The following OR2G6 variants were observed in gnomAD, a reference collection of about 807,000 sequenced individuals.
OR2G6 encodes olfactory receptor family 2 subfamily G member 6.
For synonymous variants in OR2G6, 183 were observed against 155.2 expected, an observed-to-expected ratio of 1.18 and a Z score of -1.33; for missense variants, 457 against 391.3, an observed-to-expected ratio of 1.17 and a Z score of -1.42.
In OR2G6 at chr1:248,522,673, G is replaced by T. The variant is rs1664316711; in HGVS notation, c.*76G>T. On this transcript the variant is annotated 3_prime_UTR_variant, in exon 2 of 2. Transcript: ENST00000641804. Reference sequence around the variant, plus strand: ...TTCATCCTCCCCAGACATTCCTCTTGTCAATCCCAAAGCCACAGGGACTAG... The same window carrying T: ...TTCATCCTCCCCAGACATTCCTCTTTTCAATCCCAAAGCCACAGGGACTAG... 3 of 964,870 alleles carry T rather than the reference G, an allele frequency of 3.1e-6. No individual in the cohort carries two copies. Among genetic ancestry groups the T allele is most frequent in the Non-Finnish European group, 4.6e-6 (3 of 655,788 alleles). The allele number at this position is 964,870 out of a possible 1,614,324, so 59.8% of individuals were successfully genotyped here. A position where few individuals can be genotyped will look rare whatever the true frequency, so the allele number is the denominator to read the frequency against.
At chr1:248,521,490 G>A in intron 1 of OR2G6, 121 bp from the exon 2 acceptor site, 1 of 598,596 alleles carries the variant, frequency 1.7e-6, no homozygotes, top group Non-Finnish European at 2.9e-6. Flanking sequence ...GTTGAGGAAA[G>A]TTCTATAGGT....
In OR2G6 at chr1:248,522,270, T is replaced by G. The variant is rs1558372468; in HGVS notation, c.624T>G (p.Ile208Met). Residue 208 changes from isoleucine (I) to methionine (M), a missense_variant, in exon 2 of 2, where the codon ATT becomes ATG. Transcript: ENST00000641804. ...ELFVASVVFL[I>M]VPVLLILVSY... ...TTGTGGCCAGTGTAGTCTTTCTAAT[T>G]GTCCCGGTGTTACTCATCTTAGTCT... 1.2e-6 allele frequency: 2 copies of G among 1,614,192 alleles called. No individual in the cohort carries two copies. Among genetic ancestry groups the G allele is most frequent in the Non-Finnish European group, 1.7e-6 (2 of 1,180,022 alleles).
chr1:248,525,078 C>T lies in OR2G6; in HGVS notation c.*2481C>T, dbSNP rs1430336984. 6.6e-6 allele frequency: 1 copy of T among 151,982 alleles called. No homozygotes were observed. Among genetic ancestry groups the T allele is most frequent in the Non-Finnish European group, 1.5e-5 (1 of 67,996 alleles). 9.4% of individuals were successfully genotyped at this position (151,982 alleles called of 1,614,324 possible). A position where few individuals can be genotyped will look rare whatever the true frequency, so the allele number is the denominator to read the frequency against. On this transcript the variant is annotated 3_prime_UTR_variant, in exon 2 of 2. Transcript: ENST00000641804. ...ATACTATTTTTATTTATAATGTGAG[C>T]ATTTTTCTGATTAATCTAAAAAATA...
In OR2G6 at chr1:248,522,442, A is replaced by T; in HGVS notation, c.796A>T (p.Arg266Ter). 6.2e-7 allele frequency: 1 copy of T among 1,614,136 alleles called. No individual in the cohort carries two copies. Among genetic ancestry groups the T allele is most frequent in the Non-Finnish European group, 8.5e-7 (1 of 1,180,020 alleles). Reference sequence around the variant, plus strand: ...CATGTACCTTCAACCGGCCAATAGGAGATCCAAAAACCAGGGAAAGTTTGT... The same window carrying T: ...CATGTACCTTCAACCGGCCAATAGGTGATCCAAAAACCAGGGAAAGTTTGT... ...IFMYLQPANR[R>*]SKNQGKFVSL... is the part of the protein sequence containing the mutation. Residue 266 changes from arginine (R) to a stop codon, truncating the protein, a stop_gained, in exon 2 of 2, where the codon AGA (arginine) becomes TGA (stop). Transcript: ENST00000641804. LOFTEE classifies it low-confidence loss of function (END_TRUNC).
rs913069817 is a variant in OR2G6, at chr1:248,525,772, T to G, written c.*3175T>G. 1.4e-5 allele frequency: 2 copies of G among 146,560 alleles called. No individual in the cohort carries two copies. The highest frequency in any genetic ancestry group is 5.5e-5 in the African/African-American group (2 of 36,256). 9.1% of individuals were successfully genotyped at this position (146,560 alleles called of 1,614,324 possible). On this transcript the variant is annotated 3_prime_UTR_variant, in exon 2 of 2. Transcript: ENST00000641804. Reference sequence around the variant, plus strand: ...GGCTCACACTTGTAATCATAGCACTTTGGGAGGCTGAGTCAGGTGGATCAT... The same window carrying G: ...GGCTCACACTTGTAATCATAGCACTGTGGGAGGCTGAGTCAGGTGGATCAT...
chr1:248,519,534 C>G (rs1664236353), intron 1 of OR2G6, among the ~76,000 whole-genome samples: 1 of 151,884 alleles, frequency 6.6e-6, no homozygotes, highest in African/African-American at 2.4e-5. Flanking sequence ...AGTCCAGTTT[C>G]AGTTTTCTGC....
chr1:248,521,804 C>T lies in OR2G6; in HGVS notation c.158C>T (p.Ser53Phe), dbSNP rs757443337. 5.6e-6 allele frequency: 9 copies of T among 1,614,120 alleles called. No homozygotes were observed. Among genetic ancestry groups the T allele is most frequent in the Non-Finnish European group, 7.6e-6 (9 of 1,180,004 alleles). ...TALILVCCLD[S>F]RLHTPMYFFL... The stretch of plus-strand genomic sequence containing the variant: ...CTCATACTAGTATGTTGTCTGGACT[C>T]CAGACTCCACACTCCAATGTACTTC... Residue 53 changes from serine to phenylalanine, a missense_variant, in exon 2 of 2, where the codon TCC becomes TTC. Physicochemically the swap from Ser to Phe is radical, Grantham distance 155 (BLOSUM62 -2). Coordinates refer to ENST00000641804, the MANE Select transcript of OR2G6 (RefSeq NM_001013355.2).
In OR2G6 at chr1:248,522,563, T is replaced by G. The variant is rs1486805418; in HGVS notation, c.917T>G (p.Leu306Arg). 1 of 1,612,384 alleles carries G rather than the reference T, an allele frequency of 6.2e-7. No homozygotes were observed. Among genetic ancestry groups the G allele is most frequent in the African/African-American group, 1.3e-5 (1 of 74,782 alleles). The stretch of plus-strand genomic sequence containing the variant: ...AAAGGGGCCTTGAGGACCCTGATAC[T>G]GGGTAGTGCTGCTGGACAAAGCCAC... ...DVKGALRTLILGSAAGQSHKD is the reference protein window; with the variant it reads ...DVKGALRTLIRGSAAGQSHKD Residue 306 changes from leucine to arginine, a missense_variant, in exon 2 of 2, where the codon CTG (leucine) becomes CGG (arginine). By Grantham distance (102) the Leu-to-Arg change is moderately radical. Coordinates refer to ENST00000641804, the MANE Select transcript of OR2G6 (RefSeq NM_001013355.2).
Position 248,524,768 on chromosome 1 carries a change from A to G in OR2G6, c.*2171A>G, listed in dbSNP as rs1664360137. 2 of 152,350 alleles carry G rather than the reference A, an allele frequency of 1.3e-5. No homozygotes were observed. The highest frequency in any genetic ancestry group is 6.5e-5 in the Admixed American group (1 of 15,300). 9.4% of individuals were successfully genotyped at this position (152,350 alleles called of 1,614,324 possible). A position where few individuals can be genotyped will look rare whatever the true frequency, so the allele number is the denominator to read the frequency against. On this transcript the variant is annotated 3_prime_UTR_variant, in exon 2 of 2. Coordinates refer to ENST00000641804, the MANE Select transcript of OR2G6 (RefSeq NM_001013355.2). ...CAAATCCCACTGAAAATAAAATCAA[A>G]TTATTACTGTATACAATAAATTCAA...
At position 248,509,204 on chromosome 1, in the gene OR2G6, G is replaced by GATGGTA. The variant is rs547414598; in HGVS notation, c.-37+775_-37+776insATGGTA. On this transcript the variant is annotated intron_variant, in intron 1 of 1. Transcript: ENST00000641804. ...ACTGAAACCTTATACCCATTGCACA[G>GATGGTA]TAGATCAAGAGAAGAAATACTTGAT... 6.7e-3 allele frequency among the ~76,000 whole-genome samples: 124 copies of GATGGTA among 18,454 alleles called. 8 individuals are homozygous for GATGGTA. Among genetic ancestry groups the GATGGTA allele is most frequent in the African/African-American group, 0.041 (114 of 2,756 alleles). 12.1% of individuals were successfully genotyped at this position (18,454 alleles called of 152,430 possible).
intron 1 of OR2G6, 37 bp from the exon 2 acceptor site, chr1:248,521,574 C>T (rs1664285205): frequency 2.9e-6 from 3 of 1,051,118 alleles, no homozygotes; most frequent in Non-Finnish European, 2.9e-6. Flanking sequence ...CCATTCTTGA[C>T]CTCATTACTT....
chr1:248,521,035 C>A (rs1664273453), intron 1 of OR2G6, among the ~76,000 whole-genome samples: 1 of 97,278 alleles, frequency 1.0e-5, no homozygotes, highest in Admixed American at 1.2e-4. Flanking sequence ...GAGTGAGATT[C>A]CATCTAAAAA....
Position 248,522,402 on chromosome 1 carries a change from T to TG in OR2G6, c.759dup (p.Thr254AspfsTer12). The TG allele has an allele frequency of 6.2e-7, 1 of 1,614,198 alleles. No individual in the cohort carries two copies. Among genetic ancestry groups the TG allele is most frequent in the South Asian group, 1.1e-5 (1 of 91,088 alleles). ...ACCTGGTTGTGGTCATCATTTTCTA[T>TG]GGGACCATCATATTCATGTACCTTC... On this transcript the variant is annotated frameshift_variant, in exon 2 of 2. Transcript: ENST00000641804. LOFTEE classifies it low-confidence loss of function (END_TRUNC).
intron 1 of OR2G6, among the ~76,000 whole-genome samples, chr1:248,520,939 G>A (rs1318705700): frequency 6.7e-6 from 1 of 148,968 alleles, no homozygotes; most frequent in Admixed American, 6.7e-5. Flanking sequence ...AGCTACTTGG[G>A]AGGCTAAGGC....
rs1167584245 is a variant in OR2G6, at chr1:248,522,730, C to T, written c.*133C>T. 1 of 632,064 alleles carries T rather than the reference C, an allele frequency of 1.6e-6. No homozygotes were observed. 39.2% of individuals were successfully genotyped at this position (632,064 alleles called of 1,614,324 possible). Reference sequence around the variant, plus strand: ...TTGGAATTCTAAAGAAGGGAAACACCTCAAGGCAGCGTGAGGATTCATCCT... The same window carrying T: ...TTGGAATTCTAAAGAAGGGAAACACTTCAAGGCAGCGTGAGGATTCATCCT... On this transcript the variant is annotated 3_prime_UTR_variant, in exon 2 of 2. Coordinates refer to ENST00000641804, the MANE Select transcript of OR2G6 (RefSeq NM_001013355.2).
Position 248,525,600 on chromosome 1 carries a change from A to G in OR2G6, c.*3003A>G, listed in dbSNP as rs184815613. 2 of 152,326 alleles carry G rather than the reference A, an allele frequency of 1.3e-5. No individual in the cohort carries two copies. The highest frequency in any genetic ancestry group is 6.5e-5 in the Admixed American group (1 of 15,294). 9.4% of individuals were successfully genotyped at this position (152,326 alleles called of 1,614,324 possible). On this transcript the variant is annotated 3_prime_UTR_variant, in exon 2 of 2. Coordinates refer to ENST00000641804, the MANE Select transcript of OR2G6 (RefSeq NM_001013355.2). ...CCAAATGGTCAGTAAAAAGACAAGTACCAGCTACTACAAAAAAACACCAAA... is the reference window on the plus strand; with the variant it reads ...CCAAATGGTCAGTAAAAAGACAAGTGCCAGCTACTACAAAAAAACACCAAA...
rs1339572009 is a variant in OR2G6, at chr1:248,522,816, AAGAAG to A, written c.*224_*228del. On this transcript the variant is annotated 3_prime_UTR_variant, in exon 2 of 2. Coordinates refer to ENST00000641804, the MANE Select transcript of OR2G6 (RefSeq NM_001013355.2). Reference sequence around the variant, plus strand: ...GGGACTAGGAAGCATTGGAATTCTAAAGAAGAGAAACACACCAAAGCAGCATGAGG... The same window carrying A: ...GGGACTAGGAAGCATTGGAATTCTAAAGAAACACACCAAAGCAGCATGAGG... The A allele has an allele frequency of 1.0e-4, 53 of 521,782 alleles. No individual in the cohort carries two copies. The African/African-American group carries it at 1.0e-3, about 10-fold the overall frequency. 32.3% of individuals were successfully genotyped at this position (521,782 alleles called of 1,614,324 possible). A position where few individuals can be genotyped will look rare whatever the true frequency, so the allele number is the denominator to read the frequency against.
Position 248,524,312 on chromosome 1 carries a change from A to C in OR2G6, c.*1715A>C, listed in dbSNP as rs1056514647. ...AAAATGATGAATATCCAATTTAACA[A>C]AAACGAGGGAAAAGAAGCCTGGTTA... On this transcript the variant is annotated 3_prime_UTR_variant, in exon 2 of 2. Transcript: ENST00000641804. 2 of 152,224 alleles carry C rather than the reference A, an allele frequency of 1.3e-5. No individual in the cohort carries two copies. Among genetic ancestry groups the C allele is most frequent in the African/African-American group, 4.8e-5 (2 of 41,458 alleles). The allele number at this position is 152,224 out of a possible 1,614,324, so 9.4% of individuals were successfully genotyped here. A position where few individuals can be genotyped will look rare whatever the true frequency, so the allele number is the denominator to read the frequency against.
chr1:248,521,818 C>A lies in OR2G6; in HGVS notation c.172C>A (p.Pro58Thr). The A allele has an allele frequency of 6.2e-7, 1 of 1,614,186 alleles. No homozygotes were observed. Among genetic ancestry groups the A allele is most frequent in the South Asian group, 1.1e-5 (1 of 91,076 alleles). Residue 58 changes from proline (P) to threonine (T), a missense_variant, in exon 2 of 2, where the codon CCA (proline) becomes ACA (threonine). Pro to Thr is a conservative substitution (Grantham distance 38). Coordinates refer to ENST00000641804, the MANE Select transcript of OR2G6 (RefSeq NM_001013355.2). ...TTGTCTGGACTCCAGACTCCACACT[C>A]CAATGTACTTCTTCCTCAGCAACCT... is the stretch of plus-strand genomic sequence containing the variant. The part of the protein sequence containing the change: ...VCCLDSRLHT[P>T]MYFFLSNLSC...
Sources: allele counts gnomAD v4.1 joint callset (sites outside exome capture counted in the v4.1 genomes callset), GRCh38; gene constraint gnomAD v4.1.1; transcripts MANE v1.5; gene names NCBI Gene and HGNC (gene_info 2026-07-23, HGNC 2026-07-21).